Variants in STXBP5L observed in about 807,000 individuals in gnomAD.
STXBP5L encodes syntaxin binding protein 5L, also known as syntaxin-binding protein 5-like.
In STXBP5L, 65 loss-of-function variants were observed where a neutral mutation model predicts 144.5. The observed-to-expected ratio is 0.45, with a 90% CI of 0.37 to 0.55. STXBP5L has a LOEUF of 0.55. Among genes scored for constraint, STXBP5L ranks in the 20% least tolerant of loss-of-function variants. STXBP5L has a pLI of 0.00. For synonymous variants in STXBP5L, 505 were observed against 469.6 expected (o/e 1.08, Z -0.97); for missense variants, 1,298 against 1,405.5 (o/e 0.92, Z 1.22).
chr3:121,190,167 A>G (rs7610835), intron 9 of STXBP5L, among the ~76,000 whole-genome samples: 15,084 of 152,116 alleles, frequency 0.099, 1,179 homozygotes, highest in Admixed American at 0.2. Context: ...AAACATGTGA[A>G]CAAAGTCTCT....
chr3:121,341,698 G>C (rs768912959), intron 20 of STXBP5L, among the ~76,000 whole-genome samples: 1 of 152,096 alleles, frequency 6.6e-6, no homozygotes, highest in Non-Finnish European at 1.5e-5. Context: ...CAAAGAGAGA[G>C]ATCCTGTTGT....
chr3:121,047,327 G>C (rs1331675684), intron 5 of STXBP5L, among the ~76,000 whole-genome samples: 1 of 152,082 alleles, frequency 6.6e-6, no homozygotes, highest in Non-Finnish European at 1.5e-5. Flanking sequence ...GGTATATTCT[G>C]TTCCTTTTGG....
At chr3:121,333,773 G>C (rs1005662119) in intron 20 of STXBP5L, among the ~76,000 whole-genome samples, 3 of 152,156 alleles carry the variant, frequency 2.0e-5, no homozygotes, top group African/African-American at 7.2e-5. Context: ...ACAAAACCTA[G>C]AAGAGATGGA....
chr3:121,205,050 T>G (rs1179389463), intron 9 of STXBP5L, among the ~76,000 whole-genome samples: 3 of 152,170 alleles, frequency 2.0e-5, no homozygotes, highest in Admixed American at 2.0e-4. Context: ...TAGAATAATT[T>G]TAATAGTTCA....
intron 6 of STXBP5L, among the ~76,000 whole-genome samples, chr3:121,119,281 G>T (rs1403170436): frequency 1.3e-5 from 2 of 151,292 alleles, no homozygotes; most frequent in Admixed American, 6.6e-5. Context: ...ATGTAGGTGG[G>T]TAATGTGCTA....
intron 7 of STXBP5L, among the ~76,000 whole-genome samples, chr3:121,142,516 C>A (rs890667927): frequency 3.3e-5 from 5 of 151,860 alleles, no homozygotes; most frequent in African/African-American, 1.2e-4. Flanking sequence ...TGAAACAAAC[C>A]TTAATACATT....
chr3:121,039,099 G>T (rs771260949), intron 3 of STXBP5L, among the ~76,000 whole-genome samples: 1 of 151,852 alleles, frequency 6.6e-6, no homozygotes, highest in Non-Finnish European at 1.5e-5. Flanking sequence ...TTTGCATTTA[G>T]TGTGGTATTG....
intron 9 of STXBP5L, among the ~76,000 whole-genome samples, chr3:121,159,820 G>C (rs1369338817): frequency 6.6e-6 from 1 of 151,698 alleles, no homozygotes; most frequent in Non-Finnish European, 1.5e-5. Flanking sequence ...TTTTAGTAGA[G>C]ACGGGGTTTC....
chr3:121,001,244 G>A (rs982278573), intron 3 of STXBP5L, among the ~76,000 whole-genome samples: 1 of 152,214 alleles, frequency 6.6e-6, no homozygotes, highest in South Asian at 2.1e-4. Flanking sequence ...TTACAGTTAG[G>A]CTGGGTCTTC....
chr3:121,182,966 T>C (rs749246499), intron 9 of STXBP5L, among the ~76,000 whole-genome samples: 5 of 152,180 alleles, frequency 3.3e-5, no homozygotes, highest in Non-Finnish European at 7.4e-5. Flanking sequence ...CACATCATAA[T>C]CAAGTGAGTT....
At chr3:121,073,671 C>A (rs2041900999) in intron 5 of STXBP5L, among the ~76,000 whole-genome samples, 1 of 152,168 alleles carries the variant, frequency 6.6e-6, no homozygotes, top group African/African-American at 2.4e-5. Flanking sequence ...TCTTTGAAGG[C>A]CATGTCCTGC....
chr3:121,022,696 A>G (rs9653918), intron 3 of STXBP5L, among the ~76,000 whole-genome samples: 2 of 152,188 alleles, frequency 1.3e-5, no homozygotes, highest in East Asian at 3.9e-4. Flanking sequence ...AAGGCATTTG[A>G]CAAAATCCAG....
intron 10 of STXBP5L, among the ~76,000 whole-genome samples, chr3:121,214,209 C>A (rs896681255): frequency 1.3e-5 from 2 of 152,172 alleles, no homozygotes; most frequent in African/African-American, 4.8e-5. Flanking sequence ...CTATCTCCTT[C>A]AGTTGCACTG....
chr3:121,153,995 G>A (rs1163920309), intron 8 of STXBP5L, among the ~76,000 whole-genome samples: 1 of 151,760 alleles, frequency 6.6e-6, no homozygotes, highest in Non-Finnish European at 1.5e-5. Flanking sequence ...TAGCCAGTTG[G>A]AATTAGAATA....
chr3:121,114,039 G>T (rs2044127973), intron 5 of STXBP5L, among the ~76,000 whole-genome samples: 2 of 151,624 alleles, frequency 1.3e-5, no homozygotes, highest in South Asian at 4.2e-4. Flanking sequence ...CATTTTTTTT[G>T]AAAAATTTAT....
chr3:121,217,566 G>C (rs2048823362), intron 10 of STXBP5L, among the ~76,000 whole-genome samples: 1 of 152,118 alleles, frequency 6.6e-6, no homozygotes, highest in Non-Finnish European at 1.5e-5. Flanking sequence ...TGGAAATGCA[G>C]AAATCACTTC....
At chr3:121,219,112 A>T (rs529186591) in intron 10 of STXBP5L, among the ~76,000 whole-genome samples, 3 of 152,128 alleles carry the variant, frequency 2.0e-5, no homozygotes, top group African/African-American at 7.2e-5. Flanking sequence ...CTGTCATCCC[A>T]CCTACTTGTG....
At chr3:120,959,086 T>C (rs1399605367) in intron 3 of STXBP5L, among the ~76,000 whole-genome samples, 1 of 152,068 alleles carries the variant, frequency 6.6e-6, no homozygotes, top group African/African-American at 2.4e-5. Context: ...TGTGCAAAAA[T>C]CACAAGCATT....
At chr3:121,356,343 C>T (rs904175382) in intron 20 of STXBP5L, among the ~76,000 whole-genome samples, 64 of 152,346 alleles carry the variant, frequency 4.2e-4, no homozygotes, top group Admixed American at 3.2e-3. Flanking sequence ...GTGGTGGGCT[C>T]CCTCATTTTG....
Sources: gnomAD v4.1 joint callset for allele counts (sites outside exome capture counted in the v4.1 genomes callset) on GRCh38, gnomAD v4.1.1 for gene constraint, MANE v1.5 for transcripts, NCBI Gene and HGNC (gene_info 2026-07-23, HGNC 2026-07-21) for gene names.